Variants in GRID2 observed in about 807,000 individuals in gnomAD.
GRID2 encodes the protein glutamate receptor ionotropic, delta-2.
GRID2 carries 33 observed loss-of-function variants against 114.8 expected under a neutral mutation model. The observed-to-expected ratio is 0.29, with a 90% confidence interval of 0.22 to 0.38. GRID2 has a LOEUF of 0.38. GRID2 is among the 10% of genes least tolerant of loss of function. GRID2 has a pLI of 1.00. For synonymous variants in GRID2, 505 were observed against 449.9 expected, an observed-to-expected ratio of 1.12 and a Z score of -1.55; for missense variants, 1,184 against 1,257.7, an observed-to-expected ratio of 0.94 and a Z score of 0.89.
chr4:93,597,211 A>T (rs1424174532), intron 13 of GRID2, among the ~76,000 whole-genome samples: 1 of 152,208 alleles, frequency 6.6e-6, no homozygotes, highest in Non-Finnish European at 1.5e-5. Flanking sequence ...AAGACCTCCC[A>T]AAGTCAGCTA....
intron 1 of GRID2, among the ~76,000 whole-genome samples, chr4:92,554,915 CA>C (rs1236476138): frequency 2.6e-5 from 4 of 152,068 alleles, no homozygotes; most frequent in African/African-American, 9.7e-5. Context: ...TTGAACCAAT[CA>C]AGTTATGGTA....
chr4:93,225,485 A>G (rs1745382728), intron 7 of GRID2, among the ~76,000 whole-genome samples: 1 of 152,200 alleles, frequency 6.6e-6, no homozygotes, highest in Admixed American at 6.5e-5. Flanking sequence ...AATGATTAAT[A>G]AAACAAACAA....
At chr4:93,663,969 A>C (rs1166921763) in intron 14 of GRID2, among the ~76,000 whole-genome samples, 2 of 152,190 alleles carry the variant, frequency 1.3e-5, no homozygotes, top group Non-Finnish European at 2.9e-5. Context: ...AGTGCTACAA[A>C]GGACAATATA....
chr4:92,675,650 A>G (rs936003422), intron 2 of GRID2, among the ~76,000 whole-genome samples: 3 of 151,158 alleles, frequency 2.0e-5, no homozygotes, highest in Non-Finnish European at 4.4e-5. Flanking sequence ...TCCCAGGGTC[A>G]TGCAATTCTC....
At chr4:93,636,471 G>A (rs1166447762) in intron 14 of GRID2, among the ~76,000 whole-genome samples, 2 of 151,800 alleles carry the variant, frequency 1.3e-5, no homozygotes, top group African/African-American at 4.8e-5. Flanking sequence ...ATACTCTCCA[G>A]AGTAATTATA....
intron 13 of GRID2, among the ~76,000 whole-genome samples, chr4:93,600,225 T>C (rs952305273): frequency 6.6e-6 from 1 of 151,902 alleles, no homozygotes; most frequent in African/African-American, 2.4e-5. Flanking sequence ...ACATTGGATT[T>C]TACAAAAACA....
At chr4:93,221,496 A>G (rs932858237) in intron 6 of GRID2, among the ~76,000 whole-genome samples, 1 of 152,118 alleles carries the variant, frequency 6.6e-6, no homozygotes, top group African/African-American at 2.4e-5. Context: ...GAGGTGATGT[A>G]TGTTTCTGTC....
intron 13 of GRID2, among the ~76,000 whole-genome samples, chr4:93,571,390 G>A (rs1414848557): frequency 6.6e-6 from 1 of 152,050 alleles, no homozygotes; most frequent in Admixed American, 6.6e-5. Flanking sequence ...CATAAATTAT[G>A]TAAGTATGTA....
At chr4:92,337,418 A>G (rs1397817998) in intron 1 of GRID2, among the ~76,000 whole-genome samples, 2 of 152,114 alleles carry the variant, frequency 1.3e-5, no homozygotes, top group African/African-American at 4.8e-5. Flanking sequence ...TGGGTAAGCA[A>G]TTTATTGAGG....
chr4:93,210,658 T>C (rs1000207473), intron 5 of GRID2, among the ~76,000 whole-genome samples: 1 of 152,048 alleles, frequency 6.6e-6, no homozygotes, highest in Non-Finnish European at 1.5e-5. Context: ...AATTTGTACT[T>C]TGGGAGAAAT....
chr4:92,643,753 C>T (rs989409224), intron 2 of GRID2, among the ~76,000 whole-genome samples: 1 of 151,534 alleles, frequency 6.6e-6, no homozygotes, highest in Non-Finnish European at 1.5e-5. Flanking sequence ...GGCCTCTGCA[C>T]CTGGCCAAAT....
At chr4:93,709,928 A>T (rs76341506) in intron 14 of GRID2, among the ~76,000 whole-genome samples, 5,992 of 152,220 alleles carry the variant, frequency 0.039, 184 homozygotes, top group African/African-American at 0.075. Context: ...TAATTATTTT[A>T]ATCTCTTTGT....
At position 93,505,036 on chromosome 4, in the gene GRID2, C is replaced by A. The variant is rs369380399; in HGVS notation, c.1998-10180C>A. Among the ~76,000 whole-genome samples the A allele has an allele frequency of 3.3e-5, 5 of 151,884 alleles. No homozygotes were observed. The East Asian group carries it at 9.7e-4, about 29-fold the overall frequency. ...AAACAGGAGATTTTGGGGCTATGTA[C>A]AAGTAAGGACTCCCTTGTGTTAAGT... On this transcript the variant is annotated intron_variant, in intron 12 of 15. Coordinates refer to ENST00000282020, the MANE Select transcript of GRID2 (RefSeq NM_001510.4).
intron 4 of GRID2, among the ~76,000 whole-genome samples, chr4:93,123,172 T>G (rs1733952660): frequency 6.6e-6 from 1 of 152,052 alleles, no homozygotes; most frequent in Non-Finnish European, 1.5e-5. Flanking sequence ...GGTGGACAGT[T>G]TGCTACTAAC....
At chr4:93,517,379 C>T (rs568859391) in intron 13 of GRID2, among the ~76,000 whole-genome samples, 18 of 152,034 alleles carry the variant, frequency 1.2e-4, no homozygotes, top group South Asian at 4.1e-4. Flanking sequence ...CTAATGAGTT[C>T]GAAACTGCAA....
At chr4:93,001,636 G>A (rs1163114363) in intron 2 of GRID2, among the ~76,000 whole-genome samples, 1 of 151,788 alleles carries the variant, frequency 6.6e-6, no homozygotes, top group East Asian at 1.9e-4. Context: ...TATAGTATTT[G>A]TATTGAAACA....
chr4:93,378,268 A>T (rs1376480869), intron 8 of GRID2, among the ~76,000 whole-genome samples: 2 of 152,170 alleles, frequency 1.3e-5, no homozygotes, highest in Non-Finnish European at 2.9e-5. Flanking sequence ...GATTTCAATG[A>T]ATCCCCAAAA....
chr4:93,445,167 A>C (rs1413100742), intron 10 of GRID2, among the ~76,000 whole-genome samples: 7 of 151,992 alleles, frequency 4.6e-5, no homozygotes, highest in Non-Finnish European at 1.0e-4. Flanking sequence ...CTGGAATGTT[A>C]ATAGGATGAC....
At chr4:92,640,628 G>T (rs1731296399) in intron 2 of GRID2, among the ~76,000 whole-genome samples, 1 of 151,720 alleles carries the variant, frequency 6.6e-6, no homozygotes, top group Non-Finnish European at 1.5e-5. Context: ...GGATGAAAAA[G>T]ACAACTGAAA....
Sources: allele counts gnomAD v4.1 joint callset (sites outside exome capture counted in the v4.1 genomes callset), GRCh38; gene constraint gnomAD v4.1.1; transcripts MANE v1.5; gene names NCBI Gene and HGNC (gene_info 2026-07-23, HGNC 2026-07-21).